The following RBM19 variants were observed in gnomAD, a reference collection of about 807,000 sequenced individuals.
RBM19 encodes RNA binding motif protein 19.
A neutral mutation model predicts 116.8 loss-of-function variants in RBM19; 94 were observed. That is an observed-to-expected ratio of 0.80 (90% CI 0.68 to 0.95). The LOEUF (loss-of-function observed/expected upper bound fraction) is 0.95, where lower values mean the gene tolerates loss of function less well. RBM19 is among the 40% of genes least tolerant of loss of function. The pLI is 0.00. For missense variants in RBM19, 1,161 were observed against 1,220.7 expected (o/e 0.95, Z 0.73); for synonymous variants, 475 against 494.1 (o/e 0.96, Z 0.51).
At chr12:113,957,344 G>A (rs1260697100) in intron 6 of RBM19, among the ~76,000 whole-genome samples, 1 of 152,208 alleles carries the variant, frequency 6.6e-6, no homozygotes, top group East Asian at 1.9e-4. Context: ...GGGAGGCTGA[G>A]ATGAGTGGAT....
At chr12:113,836,814 T>C (rs1875937323) in intron 23 of RBM19, among the ~76,000 whole-genome samples, 4 of 143,510 alleles carry the variant, frequency 2.8e-5, no homozygotes, top group African/African-American at 1.0e-4. Context: ...TCCTCCTACT[T>C]ACTACATACA....
chr12:113,964,456 T>A (rs1872718343), intron 1 of RBM19, among the ~76,000 whole-genome samples: 2 of 152,172 alleles, frequency 1.3e-5, no homozygotes, highest in East Asian at 3.9e-4. Flanking sequence ...CAAACAATGA[T>A]AAGAGAGTCA....
At chr12:113,859,370 C>T (rs1274720229) in intron 21 of RBM19, among the ~76,000 whole-genome samples, 1 of 152,200 alleles carries the variant, frequency 6.6e-6, no homozygotes. Flanking sequence ...CACATGGCGA[C>T]CCCAGGCTGA....
In RBM19 at chr12:113,924,742, C is replaced by T. The variant is rs374344511; in HGVS notation, c.2260G>A (p.Gly754Arg). 4 of 1,551,018 alleles carry T rather than the reference C, an allele frequency of 2.6e-6. No homozygotes were observed. Among genetic ancestry groups the T allele is most frequent in the African/African-American group, 2.7e-5 (2 of 73,390 alleles). Residue 754 changes from glycine (G) to arginine (R), a missense_variant, in exon 18 of 24, where the codon GGG becomes AGG. By Grantham distance (125) the Gly-to-Arg change is moderately radical. Coordinates refer to ENST00000261741, the MANE Select transcript of RBM19 (RefSeq NM_016196.4). ...EKLKEVFSKV[G>R]TVKSCSISKK... ...GAGATGGAGCAGCTCTTCACTGTCC[C>T]CACTTTTGAAAACACCTGGATAAGA...
At chr12:113,844,243 A>C (rs2278165) in intron 23 of RBM19, among the ~76,000 whole-genome samples, 10,329 of 152,302 alleles carry the variant, frequency 0.068, 667 homozygotes, top group East Asian at 0.34. Flanking sequence ...TGTGGTCCCC[A>C]GGGCTGGCCA....
intron 15 of RBM19, 81 bp from the exon 16 acceptor site, chr12:113,937,217 A>C: frequency 6.5e-7 from 1 of 1,529,968 alleles, no homozygotes; most frequent in Non-Finnish European, 8.9e-7. Context: ...TGCAGATCAC[A>C]GCCCAAGGGT....
intron 23 of RBM19, among the ~76,000 whole-genome samples, chr12:113,838,208 A>G (rs558813062): frequency 1.3e-5 from 2 of 152,348 alleles, no homozygotes; most frequent in South Asian, 4.1e-4. Flanking sequence ...CTCTGGGACC[A>G]CTGAGACTTG....
At chr12:113,850,665 T>A (rs1877372082) in intron 22 of RBM19, among the ~76,000 whole-genome samples, 1 of 152,232 alleles carries the variant, frequency 6.6e-6, no homozygotes, top group Admixed American at 6.5e-5. Context: ...TGGCAGGACT[T>A]CCATCCCAAG....
intron 22 of RBM19, among the ~76,000 whole-genome samples, chr12:113,850,231 G>A (rs906158443): frequency 1.2e-4 from 18 of 152,292 alleles, no homozygotes; most frequent in Middle Eastern, 3.4e-3. Flanking sequence ...TGCCTTGACC[G>A]GGGGACAGGT....
chr12:113,942,510 C>T, intron 13 of RBM19, 76 bp from the exon 14 acceptor site: 1 of 1,228,438 alleles, frequency 8.1e-7, no homozygotes, highest in Non-Finnish European at 1.1e-6. Context: ...TCCCAACAGC[C>T]TGAAGAGGAG....
intron 21 of RBM19, among the ~76,000 whole-genome samples, chr12:113,872,480 A>G (rs1879309697): frequency 3.2e-5 from 4 of 126,594 alleles, no homozygotes; most frequent in East Asian, 3.2e-4. Flanking sequence ...GGAGGTGGGG[A>G]GCCCCTCTGC....
chr12:113,868,341 G>A (rs1352177769), intron 21 of RBM19, among the ~76,000 whole-genome samples: 1 of 152,204 alleles, frequency 6.6e-6, no homozygotes, highest in Non-Finnish European at 1.5e-5. Flanking sequence ...GGGGAACCCT[G>A]TCTGCTGAAC....
intron 23 of RBM19, among the ~76,000 whole-genome samples, chr12:113,832,048 C>T (rs1057222001): frequency 1.7e-4 from 26 of 152,214 alleles, no homozygotes; most frequent in Non-Finnish European, 3.8e-4. Context: ...ATTCAGCCTC[C>T]AGCAGCTGAG....
Position 113,823,143 on chromosome 12 carries a change from C to G in RBM19, c.*81G>C, listed in dbSNP as rs1163781947. 5.1e-6 allele frequency: 7 copies of G among 1,359,974 alleles called. No homozygotes were observed. In the East Asian group the frequency reaches 1.6e-4, roughly 32 times the overall value. 84.2% of individuals were successfully genotyped at this position (1,359,974 alleles called of 1,614,324 possible). ...GCCGCTCCCCGCCCCGCCCCCCAGC[C>G]CACATGGTGGTGAGTGCAGAAGCTG... is the stretch of plus-strand genomic sequence containing the variant. On this transcript the variant is annotated 3_prime_UTR_variant, in exon 24 of 24. Transcript: ENST00000261741.
At chr12:113,862,955 G>A (rs1205649702) in intron 21 of RBM19, among the ~76,000 whole-genome samples, 5 of 152,038 alleles carry the variant, frequency 3.3e-5, no homozygotes, top group African/African-American at 1.2e-4. Context: ...CCACCCTGCA[G>A]CCCCACCCCC....
At chr12:113,821,965 A>G (rs1458205366), downstream of RBM19, 5 of 152,324 alleles carry the variant, frequency 3.3e-5, no homozygotes, top group East Asian at 9.7e-4. Context: ...CAAAATGCAC[A>G]GACCATGTTT....
intron 1 of RBM19, 29 bp from the exon 2 acceptor site, chr12:113,962,443 G>A (rs563900514): frequency 2.6e-5 from 41 of 1,593,180 alleles, no homozygotes; most frequent in Middle Eastern, 3.6e-4. Context: ...AATGAGAGAC[G>A]AACTGGAAAG....
chr12:113,863,032 C>T (rs185886836), intron 21 of RBM19, among the ~76,000 whole-genome samples: 4 of 148,174 alleles, frequency 2.7e-5, no homozygotes, highest in East Asian at 4.2e-4. Context: ...TTTGTTGTCA[C>T]GTTTCTAATT....
chr12:113,870,347 C>T (rs1879126257), intron 21 of RBM19, among the ~76,000 whole-genome samples: 1 of 152,210 alleles, frequency 6.6e-6, no homozygotes, highest in South Asian at 2.1e-4. Flanking sequence ...GCCACGTCTC[C>T]TACAGACACT....
Sources: allele counts gnomAD v4.1 joint callset (sites outside exome capture counted in the v4.1 genomes callset), GRCh38; gene constraint gnomAD v4.1.1; transcripts MANE v1.5; gene names NCBI Gene and HGNC (gene_info 2026-07-23, HGNC 2026-07-21).